The following GNG7 variants were observed in gnomAD, a reference collection of about 807,000 sequenced individuals.
GNG7 encodes G protein subunit gamma 7.
A neutral mutation model predicts 4.0 loss-of-function variants in GNG7; 1 was observed. The ratio of observed to expected loss-of-function variants is 0.25; its 90% CI spans 0.09 to 1.18. The LOEUF (loss-of-function observed/expected upper bound fraction) is 1.18. Ranked by LOEUF, GNG7 falls within the 50% of genes most tolerant of loss-of-function variation. GNG7 has a pLI of 0.50. For missense variants in GNG7, 86 were observed against 91.9 expected, an observed-to-expected ratio of 0.94 and a Z score of 0.26; for synonymous variants, 34 against 36.9, an observed-to-expected ratio of 0.92 and a Z score of 0.29.
chr19:2,627,566 G>T (rs376759205), intron 2 of GNG7, among the ~76,000 whole-genome samples: 1 of 152,214 alleles, frequency 6.6e-6, no homozygotes, highest in Non-Finnish European at 1.5e-5. Flanking sequence ...TGTCACTCCC[G>T]GCTGATTCTG....
At chr19:2,641,079 A>G (rs113440634) in intron 2 of GNG7, among the ~76,000 whole-genome samples, 1 of 152,346 alleles carries the variant, frequency 6.6e-6, no homozygotes, top group African/African-American at 2.4e-5. Flanking sequence ...GTACAAGAAG[A>G]AGGGACTCGG....
intron 2 of GNG7, among the ~76,000 whole-genome samples, chr19:2,612,421 A>C (rs953820053): frequency 4.6e-5 from 7 of 151,962 alleles, no homozygotes; most frequent in African/African-American, 1.7e-4. Flanking sequence ...CCTGCAAAGA[A>C]GGTGTGTCTG....
chr19:2,553,481 T>C (rs1979408307), intron 3 of GNG7, among the ~76,000 whole-genome samples: 1 of 146,724 alleles, frequency 6.8e-6, no homozygotes, highest in African/African-American at 2.5e-5. Context: ...TTATATACTA[T>C]ATATTATATT....
In GNG7 at chr19:2,514,362, C is replaced by T. The variant is rs917414; in HGVS notation, c.*660G>A. On this transcript the variant is annotated 3_prime_UTR_variant, in exon 5 of 5. Coordinates refer to ENST00000382159, the MANE Select transcript of GNG7 (RefSeq NM_052847.3). Reference sequence around the variant, plus strand: ...GTCACACTTGGCAACTTTTCATAGACGAAGCCCCCTCCAGACCCCCACACT... The same window carrying T: ...GTCACACTTGGCAACTTTTCATAGATGAAGCCCCCTCCAGACCCCCACACT... 46,707 of 152,482 alleles carry T rather than the reference C, an allele frequency of 0.31. 7,805 individuals carry two copies. The highest frequency in any genetic ancestry group is 0.42 in the South Asian group (2,043 of 4,848). 9.4% of individuals were successfully genotyped at this position (152,482 alleles called of 1,614,324 possible).
chr19:2,553,674 AATATGTTATATTACACACATGTG>A (rs1979429735), intron 3 of GNG7, among the ~76,000 whole-genome samples: 5 of 144,092 alleles, frequency 3.5e-5, no homozygotes, highest in East Asian at 1.9e-4. Flanking sequence ...CGTTACATGT[AATATGTTATATTACACACATGTG>A]CACATTACAT....
At chr19:2,697,272 G>A (rs1324330206) in intron 1 of GNG7, among the ~76,000 whole-genome samples, 1 of 152,168 alleles carries the variant, frequency 6.6e-6, no homozygotes, top group Non-Finnish European at 1.5e-5. Flanking sequence ...CTTTTGCGAG[G>A]TTCAAGTAAC....
At position 2,520,619 on chromosome 19, in the gene GNG7, C is replaced by G. The variant is rs956483357; in HGVS notation, c.70G>C (p.Glu24Gln). Residue 24 changes from glutamate (E) to glutamine (Q), a missense_variant, in exon 4 of 5, where the codon GAG (glutamate) becomes CAG (glutamine). Glu to Gln is a conservative substitution (Grantham distance 29). Coordinates refer to ENST00000382159, the MANE Select transcript of GNG7 (RefSeq NM_052847.3). ...CCCGCTGGGCTCACCTTGATGCGCTCAATCCCGGCTTCTATGCGTAGCTGT... is the reference window on the plus strand; with the variant it reads ...CCCGCTGGGCTCACCTTGATGCGCTGAATCCCGGCTTCTATGCGTAGCTGT... ...VEQLRIEAGI[E>Q]RIKVSKAASD... The G allele has an allele frequency of 3.0e-5, 47 of 1,546,238 alleles. No individual in the cohort carries two copies. The highest frequency in any genetic ancestry group is 3.9e-5 in the Non-Finnish European group (45 of 1,140,308).
At position 2,553,103 on chromosome 19, in the gene GNG7, C is replaced by T. The variant is rs140451235; in HGVS notation, c.-38+2046G>A. The stretch of plus-strand genomic sequence containing the variant: ...AGCTAGGTGATTGACAAACCTCTAG[C>T]GGGGCTGACCAAAAGCAAAACCAAA... On this transcript the variant is annotated intron_variant, in intron 3 of 4. Transcript: ENST00000382159. Among the ~76,000 whole-genome samples, 7 of 127,702 alleles carry T rather than the reference C, an allele frequency of 5.5e-5. No homozygotes were observed. The East Asian group carries it at 9.2e-4, about 17-fold the overall frequency. 83.8% of individuals were successfully genotyped at this position (127,702 alleles called of 152,430 possible).
chr19:2,519,444 C>T (rs565180326), intron 4 of GNG7, among the ~76,000 whole-genome samples: 8 of 151,904 alleles, frequency 5.3e-5, no homozygotes, highest in Non-Finnish European at 8.8e-5. Context: ...GTGTGAGTCA[C>T]CGCGCTCAGC....
intron 1 of GNG7, among the ~76,000 whole-genome samples, chr19:2,684,818 G>A (rs1450050983): frequency 2.0e-5 from 3 of 151,048 alleles, no homozygotes; most frequent in Admixed American, 6.6e-5. Flanking sequence ...GAAAAACCTC[G>A]TCTCTACTAA....
At chr19:2,656,326 G>A (rs996079008) in intron 1 of GNG7, among the ~76,000 whole-genome samples, 2 of 152,218 alleles carry the variant, frequency 1.3e-5, no homozygotes, top group African/African-American at 2.4e-5. Flanking sequence ...ATGTGAGGCC[G>A]GGTGCGGTGG....
intron 2 of GNG7, among the ~76,000 whole-genome samples, chr19:2,568,308 T>TACACAC (rs1373972939): frequency 1.5e-5 from 2 of 130,378 alleles, no homozygotes; most frequent in Admixed American, 7.5e-5. Context: ...CGCACACACA[T>TACACAC]ACACACGCAC....
chr19:2,615,713 T>A (rs894395101), intron 2 of GNG7, among the ~76,000 whole-genome samples: 2 of 152,110 alleles, frequency 1.3e-5, no homozygotes, highest in South Asian at 4.1e-4. Context: ...TCTGCCCGCC[T>A]CGGCCTCCCA....
chr19:2,597,597 C>T (rs890596127), intron 2 of GNG7, among the ~76,000 whole-genome samples: 17 of 142,632 alleles, frequency 1.2e-4, no homozygotes, highest in Admixed American at 1.4e-4. Context: ...AACTCCTTCT[C>T]AAAAATAATA....
At chr19:2,625,744 G>A (rs776344355) in intron 2 of GNG7, among the ~76,000 whole-genome samples, 2 of 152,148 alleles carry the variant, frequency 1.3e-5, no homozygotes, top group Non-Finnish European at 2.9e-5. Flanking sequence ...CTGGGCACAA[G>A]ACAAGGACTT....
At chr19:2,664,778 G>C (rs190817360) in intron 1 of GNG7, among the ~76,000 whole-genome samples, 1 of 152,096 alleles carries the variant, frequency 6.6e-6, no homozygotes, top group Non-Finnish European at 1.5e-5. Flanking sequence ...GGAAACCGTG[G>C]ACATTCAGAG....
chr19:2,630,856 C>T (rs548706356), intron 2 of GNG7: 5 of 152,064 alleles, frequency 3.3e-5, no homozygotes, highest in Admixed American at 2.0e-4. Context: ...GTAGTTGTTA[C>T]GCAGCCATAG....
chr19:2,548,026 G>GGCT (rs879668789), intron 3 of GNG7, among the ~76,000 whole-genome samples: 5 of 152,158 alleles, frequency 3.3e-5, no homozygotes, highest in Non-Finnish European at 7.4e-5. Flanking sequence ...TCATCAGAAT[G>GGCT]GCTAGAGGTC....
intron 2 of GNG7, chr19:2,643,348 C>T (rs1250289781): frequency 7.2e-6 from 3 of 419,068 alleles, no homozygotes; most frequent in African/African-American, 4.6e-5. Context: ...CCGGCTCCGT[C>T]GGCACCGGAA....
Sources: allele counts gnomAD v4.1 joint callset (sites outside exome capture counted in the v4.1 genomes callset), GRCh38; gene constraint gnomAD v4.1.1; transcripts MANE v1.5; gene names NCBI Gene and HGNC (gene_info 2026-07-23, HGNC 2026-07-21).